Variants in DYNC2LI1 observed in about 807,000 individuals in gnomAD.
The protein encoded by DYNC2LI1 is dynein cytoplasmic 2 light intermediate chain 1.
DYNC2LI1 carries 45 observed loss-of-function variants against 51.9 expected under a neutral mutation model. The ratio of observed to expected loss-of-function variants is 0.87; its 90% confidence interval spans 0.68 to 1.11. DYNC2LI1 has a LOEUF of 1.11. Among genes scored for constraint, DYNC2LI1 ranks in the 50% most tolerant of loss-of-function variants. The pLI, the probability that DYNC2LI1 is intolerant of heterozygous loss-of-function variation, is 0.00. For missense variants in DYNC2LI1, 490 were observed against 417.4 expected (o/e 1.17, Z -1.51); for synonymous variants, 130 against 137.8 (o/e 0.94, Z 0.40).
intron 12 of DYNC2LI1, among the ~76,000 whole-genome samples, chr2:43,808,395 A>G (rs1666348932): frequency 6.6e-6 from 1 of 152,226 alleles, no homozygotes; most frequent in African/African-American, 2.4e-5. Context: ...GAAAATTAGA[A>G]TGGATTTTCT....
chr2:43,781,694 C>T (rs1673292181), intron 2 of DYNC2LI1: 1 of 148,450 alleles, frequency 6.7e-6, no homozygotes, highest in African/African-American at 2.5e-5. Flanking sequence ...CCTCTGCCTC[C>T]TGGGTTCACA....
chr2:43,820,674 G>A, the DYNC2LI1 span, among the ~76,000 whole-genome samples: 1 of 152,032 alleles, frequency 6.6e-6, no homozygotes, highest in Non-Finnish European at 1.5e-5. Flanking sequence ...TCTTTTTTGA[G>A]ACGGAGTTGC....
At chr2:43,826,452 A>G in the DYNC2LI1 span, 1 of 1,614,216 alleles carries the variant, frequency 6.2e-7, no homozygotes, top group Non-Finnish European at 8.5e-7. Flanking sequence ...CAGTTCCACC[A>G]GGAGGACGAC....
chr2:43,824,310 C>G, the DYNC2LI1 span: 2 of 1,614,108 alleles, frequency 1.2e-6, no homozygotes, highest in Non-Finnish European at 1.7e-6. Flanking sequence ...TTCATTCTTT[C>G]AATATTCTTC....
At chr2:43,826,574 T>C in the DYNC2LI1 span, 57 of 1,612,512 alleles carry the variant, frequency 3.5e-5, no homozygotes, top group Non-Finnish European at 4.8e-5. Flanking sequence ...CCAGGCTCTG[T>C]GCTTAAAACT....
chr2:43,822,466 C>T, the DYNC2LI1 span: 1 of 767,730 alleles, frequency 1.3e-6, no homozygotes, highest in Non-Finnish European at 1.5e-6. Flanking sequence ...GCTGCTTTCT[C>T]CCCTCCCCCA....
intron 8 of DYNC2LI1, among the ~76,000 whole-genome samples, chr2:43,800,621 T>A (rs561964532): frequency 4.6e-4 from 70 of 152,180 alleles, no homozygotes; most frequent in Non-Finnish European, 9.3e-4. Context: ...TAAACACAAG[T>A]CCTTTCCACA....
downstream of DYNC2LI1, chr2:43,814,606 C>G: frequency 1.3e-6 from 2 of 1,490,942 alleles, no homozygotes; most frequent in Non-Finnish European, 1.9e-6. Context: ...AAAAAGAAAA[C>G]AAAAATGAAA....
At chr2:43,810,049 G>T (rs1192963202), downstream of DYNC2LI1, 15 of 790,364 alleles carry the variant, frequency 1.9e-5, no homozygotes, top group East Asian at 6.2e-4. Context: ...GCATGTATAA[G>T]TTTCTGCTTA....
chr2:43,780,682 A>G (rs1673234983), intron 2 of DYNC2LI1, among the ~76,000 whole-genome samples: 1 of 152,132 alleles, frequency 6.6e-6, no homozygotes, highest in Non-Finnish European at 1.5e-5. Context: ...AGCTGAAGTC[A>G]TAGAGTGGAA....
the DYNC2LI1 span, chr2:43,823,997 C>A: frequency 6.2e-7 from 1 of 1,614,162 alleles, no homozygotes; most frequent in African/African-American, 1.3e-5. Flanking sequence ...TGGATAGCAC[C>A]CTTTAGCACA....
chr2:43,806,836 A>C (rs561272091), intron 12 of DYNC2LI1, among the ~76,000 whole-genome samples: 109 of 152,244 alleles, frequency 7.2e-4, no homozygotes, highest in African/African-American at 2.6e-3. Context: ...ATCACCCTTC[A>C]TTCATCTCTT....
intron 6 of DYNC2LI1, chr2:43,794,928 T>C (rs552993236): frequency 1.4e-5 from 19 of 1,325,632 alleles, no homozygotes; most frequent in Non-Finnish European, 1.1e-5. Flanking sequence ...ATTGATTTTA[T>C]AATCTCTGTA....
chr2:43,775,687 A>G, intron 1 of DYNC2LI1: 2 of 331,024 alleles, frequency 6.0e-6, no homozygotes, highest in East Asian at 1.2e-4. Context: ...TTCTTTTTTT[A>G]TTTTCTTTTT....
chr2:43,826,268 G>C, the DYNC2LI1 span: 2 of 1,517,876 alleles, frequency 1.3e-6, no homozygotes, highest in South Asian at 1.2e-5. Flanking sequence ...CCAAAGTGCT[G>C]GAATTACAAG....
chr2:43,787,282 C>T, intron 4 of DYNC2LI1, 32 bp downstream of exon 4: 1 of 1,536,862 alleles, frequency 6.5e-7, no homozygotes, highest in Non-Finnish European at 9.0e-7. Context: ...ATTGCTATGC[C>T]CATAGATGGG....
intron 5 of DYNC2LI1, chr2:43,792,598 A>G: frequency 2.8e-6 from 4 of 1,410,774 alleles, no homozygotes; most frequent in Non-Finnish European, 9.4e-7. Flanking sequence ...ATCACCATAC[A>G]TCTCCAGAAC....
chr2:43,788,420 CA>C lies in DYNC2LI1; in HGVS notation c.231+1172del, dbSNP rs1349125173. 2.6e-5 allele frequency among the ~76,000 whole-genome samples: 4 copies of C among 152,206 alleles called. No homozygotes were observed. In the East Asian group the frequency reaches 7.7e-4, roughly 29 times the overall value. ...ATTTTTTTTCTAAACTGTGTACTAT[CA>C]AGTGGGATATTTCCATATTCATTCT... On this transcript the variant is annotated intron_variant, in intron 4 of 12. Transcript: ENST00000260605.
At chr2:43,793,500 A>G (rs1032691720) in intron 5 of DYNC2LI1, 2 of 152,256 alleles carry the variant, frequency 1.3e-5, no homozygotes, top group South Asian at 2.1e-4. Context: ...TGTTTTGACA[A>G]TAGCTAGCCT....
Sources: allele counts gnomAD v4.1 joint callset (sites outside exome capture counted in the v4.1 genomes callset), GRCh38; gene constraint gnomAD v4.1.1; transcripts MANE v1.5; gene names NCBI Gene and HGNC (gene_info 2026-07-23, HGNC 2026-07-21).